Variants in TAF1 observed in about 807,000 individuals in gnomAD.
TAF1 encodes transcription initiation factor TFIID subunit 1.
A neutral mutation model predicts 138.5 loss-of-function variants in TAF1; 2 were observed. That is an observed-to-expected ratio of 0.01 (90% confidence interval 0.01 to 0.05). The LOEUF (loss-of-function observed/expected upper bound fraction) is 0.05, where lower values mean the gene tolerates loss of function less well. Ranked by LOEUF, TAF1 falls within the 10% of genes least tolerant of loss-of-function variation. The pLI is 1.00. For missense variants in TAF1, 709 were observed against 1,478.0 expected, an observed-to-expected ratio of 0.48 and a Z score of 8.53; for synonymous variants, 437 against 503.2, an observed-to-expected ratio of 0.87 and a Z score of 1.76.
At chrX:71,503,578 G>T (rs1246081391) in intron 13 of TAF1, among the ~76,000 whole-genome samples, 1 of 109,429 alleles carries the variant, frequency 9.1e-6, no homozygotes, top group African/African-American at 3.3e-5. Flanking sequence ...GCTATCAAGG[G>T]CAACTGTTTC....
At chrX:71,484,379 C>T (rs1448064468) in intron 13 of TAF1, among the ~76,000 whole-genome samples, 2 of 107,294 alleles carry the variant, frequency 1.9e-5, no homozygotes, top group Non-Finnish European at 3.8e-5. Flanking sequence ...GTCACCCAAG[C>T]TGGAGTGCAG....
At chrX:71,458,692 G>A (rs1330502944) in intron 35 of TAF1, among the ~76,000 whole-genome samples, 1 of 111,396 alleles carries the variant, frequency 9.0e-6, no homozygotes, top group Middle Eastern at 4.6e-3. Context: ...AAAATAATTG[G>A]CCTACTTTAT....
In TAF1 at chrX:71,367,596, C is replaced by A; in HGVS notation, c.218C>A (p.Ala73Asp). The change falls in exon 2 of 38, where the codon GCC (alanine) becomes GAC (aspartate). Residue 73 changes from alanine (A) to aspartate (D), a missense_variant. Physicochemically the swap from Ala to Asp is moderately radical, Grantham distance 126. This residue lies in a region of TAF1 where 123 missense variants were observed against 161.6 expected (regional missense o/e 0.76). Coordinates refer to ENST00000423759, the MANE Select transcript of TAF1 (RefSeq NM_004606.5). ...ANEELTGTDG[A>D]LVNDEGWVRS... is the part of the protein sequence containing the mutation. ...GAAGAATTGACCGGGACTGACGGTG[C>A]CTTGGTAAATGATGAAGGTGAAGTC... 5.0e-6 allele frequency: 6 copies of A among 1,211,286 alleles called. No individual in the cohort carries two copies. Among genetic ancestry groups the A allele is most frequent in the Non-Finnish European group, 6.7e-6 (6 of 895,358 alleles).
At chrX:71,448,727 G>T (rs2037808630) in intron 32 of TAF1, among the ~76,000 whole-genome samples, 1 of 110,971 alleles carries the variant, frequency 9.0e-6, no homozygotes, top group African/African-American at 3.3e-5. Flanking sequence ...ACACATAAGT[G>T]TATCAGCTAT....
intron 37 of TAF1, among the ~76,000 whole-genome samples, chrX:71,462,402 C>G (rs1043590747): frequency 1.8e-5 from 2 of 110,509 alleles, no homozygotes; most frequent in African/African-American, 3.3e-5. Flanking sequence ...ATGGTGAAAC[C>G]CTGTCTCTAC....
At chrX:71,388,920 T>A in intron 17 of TAF1, 52 bp downstream of exon 17, 11 of 1,152,173 alleles carry the variant, frequency 9.5e-6, no homozygotes, top group Non-Finnish European at 1.3e-5. Context: ...TTTGTTTTTT[T>A]TTTTCTTCCC....
At chrX:71,459,525 C>T (rs200507072) in intron 35 of TAF1, 27 bp from the exon 36 acceptor site, 3 of 1,204,709 alleles carry the variant, frequency 2.5e-6, no homozygotes, top group East Asian at 3.0e-5. Flanking sequence ...GTTGATAGGA[C>T]TTTGACCCCC....
At chrX:71,400,099 G>GT (rs2035097289) in intron 24 of TAF1, among the ~76,000 whole-genome samples, 1 of 105,057 alleles carries the variant, frequency 9.5e-6, no homozygotes, top group South Asian at 4.2e-4. Context: ...TGTTTGTTTG[G>GT]TTTTTTTAGA....
chrX:71,379,618 A>G (rs985271461), intron 8 of TAF1, among the ~76,000 whole-genome samples: 609 of 43,221 alleles, frequency 0.014, 2 homozygotes, highest in Middle Eastern at 0.12. Context: ...TTTTTTTTTG[A>G]GACGGAGTCT....
rs769789181 is a variant in TAF1, at chrX:71,408,953, G to A, written c.4384+802G>A. 4.7e-5 allele frequency among the ~76,000 whole-genome samples: 5 copies of A among 107,328 alleles called. No homozygotes were observed. In the South Asian group the frequency reaches 1.7e-3, roughly 36 times the overall value. The allele number at this position is 107,328 out of a possible 115,157, so 93.2% of individuals were successfully genotyped here. ...GGCGTGAACCCAGGAGGCGGAGCTT[G>A]TAGTGAGCCGAGATCGTGCCACTGC... is the stretch of plus-strand genomic sequence containing the variant. On this transcript the variant is annotated intron_variant, in intron 28 of 37. Transcript: ENST00000423759.
chrX:71,406,834 C>A, intron 26 of TAF1, 88 bp downstream of exon 26: 1 of 679,786 alleles, frequency 1.5e-6, no homozygotes, highest in Non-Finnish European at 2.2e-6. Context: ...GCCTTAGATT[C>A]TCCAGTTGCC....
intron 13 of TAF1, among the ~76,000 whole-genome samples, chrX:71,505,686 T>C (rs777206603): frequency 2.0e-4 from 22 of 111,974 alleles, no homozygotes; most frequent in African/African-American, 7.1e-4. Flanking sequence ...TGTGGTGTCC[T>C]GGATGGGATC....
intron 32 of TAF1, among the ~76,000 whole-genome samples, chrX:71,449,875 C>T (rs780737981): frequency 1.8e-5 from 2 of 110,838 alleles, no homozygotes; most frequent in African/African-American, 6.6e-5. Flanking sequence ...TGGGCTCAAC[C>T]GATCCCCTCG....
intron 32 of TAF1, among the ~76,000 whole-genome samples, chrX:71,431,566 G>A (rs1168938868): frequency 9.0e-6 from 1 of 110,525 alleles, no homozygotes; most frequent in East Asian, 2.8e-4. Context: ...AAAAACATAA[G>A]AGTCACTGTT....
rs2038290674 is a variant in TAF1 at position 71,456,596 on chromosome X, G to GATAGTA, written c.4939-1642_4939-1637dup. 7.1e-5 allele frequency among the ~76,000 whole-genome samples: 7 copies of GATAGTA among 98,999 alleles called. No individual in the cohort carries two copies. The South Asian group carries it at 3.6e-3, about 50-fold the overall frequency. 86.0% of individuals were successfully genotyped at this position (98,999 alleles called of 115,157 possible). A position where few individuals can be genotyped will look rare whatever the true frequency, so the allele number is the denominator to read the frequency against. ...ATACAATGTTGGTTGTAAGAAGCATGATAGTAATCATACCTTTCAACTTCT... is the reference window on the plus strand; with the variant it reads ...ATACAATGTTGGTTGTAAGAAGCATGATAGTAATAGTAATCATACCTTTCAACTTCT... On this transcript the variant is annotated intron_variant, in intron 34 of 37. Transcript: ENST00000423759.
chrX:71,435,913 C>G (rs1003499772), intron 32 of TAF1, among the ~76,000 whole-genome samples: 31 of 110,095 alleles, frequency 2.8e-4, no homozygotes, highest in Non-Finnish European at 5.7e-4. Flanking sequence ...TGTTTATCTA[C>G]TTTTTAGAAT....
chrX:71,482,880 G>A (rs749627417), intron 13 of TAF1, among the ~76,000 whole-genome samples: 6 of 112,511 alleles, frequency 5.3e-5, no homozygotes, highest in Non-Finnish European at 9.4e-5. Context: ...AGCTCTGCCA[G>A]TGTGTTATCA....
At chrX:71,409,013 C>CAA (rs774464156) in intron 28 of TAF1, among the ~76,000 whole-genome samples, 3 of 55,397 alleles carry the variant, frequency 5.4e-5, no homozygotes, top group African/African-American at 6.7e-5. Flanking sequence ...GACTCCGTCT[C>CAA]AAAAAAAAAA....
Position 71,384,155 on chromosome X carries a change from A to AT in TAF1, c.2121+27dup. ...AAACGGGTGAGTCTCTGCTCAGAAA[A>AT]TTTTTTTCCCATACATAATTCTGCT... On this transcript the variant is annotated intron_variant, in intron 13 of 37. Coordinates refer to ENST00000423759, the MANE Select transcript of TAF1 (RefSeq NM_004606.5). The AT allele has an allele frequency of 8.3e-7, 1 of 1,203,123 alleles. No individual in the cohort carries two copies. The highest frequency in any genetic ancestry group is 1.1e-6 in the Non-Finnish European group (1 of 891,815).
Sources: allele counts gnomAD v4.1 joint callset (sites outside exome capture counted in the v4.1 genomes callset), GRCh38; gene constraint gnomAD v4.1.1; regional missense constraint gnomAD v4.1.1; transcripts MANE v1.5; gene names NCBI Gene and HGNC (gene_info 2026-07-23, HGNC 2026-07-21).